Variants in GPC5 observed in about 807,000 individuals in gnomAD.
GPC5 encodes glypican 5, also known as glypican-5.
GPC5 carries 47 observed loss-of-function variants against 53.9 expected under a neutral mutation model. The observed-to-expected ratio is 0.87, with a 90% CI of 0.69 to 1.11. The LOEUF (loss-of-function observed/expected upper bound fraction) is 1.11, where lower values mean the gene tolerates loss of function less well. Ranked by LOEUF, GPC5 falls within the 50% of genes most tolerant of loss-of-function variation. The pLI, the probability that GPC5 is intolerant of heterozygous loss-of-function variation, is 0.00. For missense variants in GPC5, 748 were observed against 713.1 expected (o/e 1.05, Z -0.56); for synonymous variants, 286 against 263.3 (o/e 1.09, Z -0.84).
chr13:92,059,049 T>C (rs1296774234), intron 6 of GPC5, among the ~76,000 whole-genome samples: 1 of 152,198 alleles, frequency 6.6e-6, no homozygotes, highest in Admixed American at 6.5e-5. Flanking sequence ...GTACATTTTA[T>C]CTAAGAAGAC....
chr13:91,604,322 T>C (rs540577343), intron 2 of GPC5, among the ~76,000 whole-genome samples: 64 of 148,224 alleles, frequency 4.3e-4, no homozygotes, highest in African/African-American at 1.5e-3. Context: ...ATGGTGTATA[T>C]GTGCCACATT....
chr13:91,503,962 A>G lies in GPC5; in HGVS notation c.325+55040A>G, dbSNP rs112302493. Among the ~76,000 whole-genome samples, 1,121 of 151,834 alleles carry G rather than the reference A, an allele frequency of 7.4e-3. 15 individuals are homozygous for G. Among genetic ancestry groups the G allele is most frequent in the African/African-American group, 0.024 (1,014 of 41,470 alleles). ...AAATATGTAAATAAAATTCAGTCTA[A>G]TAATATAGTAAATGGCATATCATAG... On this transcript the variant is annotated intron_variant, in intron 2 of 7. Coordinates refer to ENST00000377067, the MANE Select transcript of GPC5 (RefSeq NM_004466.6).
chr13:91,985,824 A>C (rs1476813509), intron 6 of GPC5, among the ~76,000 whole-genome samples: 2 of 152,164 alleles, frequency 1.3e-5, no homozygotes, highest in African/African-American at 4.8e-5. Flanking sequence ...GACTAAAACA[A>C]CACCACATAG....
At position 91,671,857 on chromosome 13, in the gene GPC5, A is replaced by G. The variant is rs113451215; in HGVS notation, c.326-21330A>G. On this transcript the variant is annotated intron_variant, in intron 2 of 7. Transcript: ENST00000377067. ...ACTTCAAACTATAGTGCAAGGTTAC[A>G]GTAACAAAAACAGCATAGTACTGGT... 2.8e-3 allele frequency among the ~76,000 whole-genome samples: 431 copies of G among 151,510 alleles called. 2 individuals are homozygous for G. The highest frequency in any genetic ancestry group is 8.9e-3 in the African/African-American group (366 of 41,224).
intron 7 of GPC5, among the ~76,000 whole-genome samples, chr13:92,717,218 G>A (rs1021670647): frequency 6.6e-6 from 1 of 152,082 alleles, no homozygotes; most frequent in African/African-American, 2.4e-5. Flanking sequence ...CATTCAAAGA[G>A]ATGGTATCAA....
intron 7 of GPC5, among the ~76,000 whole-genome samples, chr13:92,497,246 T>A (rs1458493504): frequency 2.0e-5 from 3 of 152,144 alleles, no homozygotes; most frequent in Non-Finnish European, 4.4e-5. Context: ...GGGTTATACA[T>A]TTTAAGTCTT....
intron 6 of GPC5, among the ~76,000 whole-genome samples, chr13:92,074,041 A>G (rs962834004): frequency 3.3e-5 from 5 of 151,582 alleles, no homozygotes; most frequent in Non-Finnish European, 7.4e-5. Context: ...TTATTTATCG[A>G]TTTGAGTGTC....
chr13:92,038,629 A>C (rs759549328), intron 6 of GPC5, among the ~76,000 whole-genome samples: 17 of 151,254 alleles, frequency 1.1e-4, no homozygotes, highest in Non-Finnish European at 1.9e-4. Flanking sequence ...TGCCTGATGA[A>C]TATTTCTCCC....
At chr13:91,997,049 T>C (rs2040510137) in intron 6 of GPC5, among the ~76,000 whole-genome samples, 1 of 152,104 alleles carries the variant, frequency 6.6e-6, no homozygotes, top group Non-Finnish European at 1.5e-5. Flanking sequence ...ATATCGGTGA[T>C]ACACACATTT....
intron 2 of GPC5, among the ~76,000 whole-genome samples, chr13:91,651,364 CT>C (rs2034704813): frequency 6.6e-6 from 1 of 152,122 alleles, no homozygotes; most frequent in Non-Finnish European, 1.5e-5. Flanking sequence ...CCTAGTCTAT[CT>C]CAGATATTTC....
At chr13:92,428,670 A>G (rs1876950253) in intron 7 of GPC5, among the ~76,000 whole-genome samples, 1 of 152,122 alleles carries the variant, frequency 6.6e-6, no homozygotes, top group Admixed American at 6.6e-5. Flanking sequence ...TTTTGTGCCA[A>G]GTGTGCCCAA....
intron 2 of GPC5, among the ~76,000 whole-genome samples, chr13:91,690,700 T>C (rs1386082125): frequency 6.6e-6 from 1 of 152,218 alleles, no homozygotes; most frequent in African/African-American, 2.4e-5. Flanking sequence ...CTTGCCTTTA[T>C]AAAAATTGCA....
At chr13:91,678,072 A>G (rs2035424263) in intron 2 of GPC5, among the ~76,000 whole-genome samples, 1 of 152,216 alleles carries the variant, frequency 6.6e-6, no homozygotes, top group African/African-American at 2.4e-5. Context: ...TAATGGTCTA[A>G]AAGAATTGCC....
intron 7 of GPC5, among the ~76,000 whole-genome samples, chr13:92,455,137 C>T (rs1878209384): frequency 6.6e-6 from 1 of 152,146 alleles, no homozygotes; most frequent in African/African-American, 2.4e-5. Flanking sequence ...ACCACCAGGA[C>T]TCCACATTCA....
At chr13:91,833,766 G>A (rs1259157740) in intron 5 of GPC5, among the ~76,000 whole-genome samples, 2 of 152,062 alleles carry the variant, frequency 1.3e-5, no homozygotes, top group Non-Finnish European at 2.9e-5. Context: ...AGCTATTTAT[G>A]ACAAAACCAC....
chr13:91,478,881 T>TATATATATA lies in GPC5; in HGVS notation c.325+29959_325+29960insATATATATA, dbSNP rs1555312577. ...ATATACACACACATATATATACACA[T>TATATATATA]TATATATATATATATATATATGCAC... On this transcript the variant is annotated intron_variant, in intron 2 of 7. Coordinates refer to ENST00000377067, the MANE Select transcript of GPC5 (RefSeq NM_004466.6). Among the ~76,000 whole-genome samples, 10 of 67,516 alleles carry TATATATATA rather than the reference T, an allele frequency of 1.5e-4. 2 individuals are homozygous for TATATATATA. Among genetic ancestry groups the TATATATATA allele is most frequent in the African/African-American group, 5.9e-4 (9 of 15,274 alleles). 44.3% of individuals were successfully genotyped at this position (67,516 alleles called of 152,430 possible).
chr13:92,256,178 A>T (rs1465185677), intron 7 of GPC5, among the ~76,000 whole-genome samples: 2 of 151,784 alleles, frequency 1.3e-5, no homozygotes. Context: ...AGAGAGATAT[A>T]AATATATAAC....
At chr13:91,657,743 G>A (rs575417447) in intron 2 of GPC5, among the ~76,000 whole-genome samples, 92 of 152,266 alleles carry the variant, frequency 6.0e-4, no homozygotes, top group African/African-American at 1.9e-3. Context: ...CACAGATCAA[G>A]TGGTAGAGGT....
Position 92,845,692 on chromosome 13 carries a change from C to T in GPC5, c.1562-20590C>T, listed in dbSNP as rs1026840179. ...GTATCCCATGGCCCAGTAAAGTTGA[C>T]ACATGAAATTAACCATCACACTATC... On this transcript the variant is annotated intron_variant, in intron 7 of 7. Coordinates refer to ENST00000377067, the MANE Select transcript of GPC5 (RefSeq NM_004466.6). Among the ~76,000 whole-genome samples, 4 of 152,090 alleles carry T rather than the reference C, an allele frequency of 2.6e-5. No homozygotes were observed. The South Asian group carries it at 8.3e-4, about 31-fold the overall frequency.
Sources: allele counts gnomAD v4.1 joint callset (sites outside exome capture counted in the v4.1 genomes callset), GRCh38; gene constraint gnomAD v4.1.1; transcripts MANE v1.5; gene names NCBI Gene and HGNC (gene_info 2026-07-23, HGNC 2026-07-21).